The following ABLIM2 variants were observed in gnomAD, a reference collection of about 807,000 sequenced individuals.
ABLIM2 encodes actin-binding LIM protein 2.
A neutral mutation model predicts 97.7 loss-of-function variants in ABLIM2; 53 were observed. The ratio of observed to expected loss-of-function variants is 0.54; its 90% CI spans 0.44 to 0.68. The LOEUF (loss-of-function observed/expected upper bound fraction) is 0.68, where lower values mean the gene tolerates loss of function less well. ABLIM2 is among the 30% of genes least tolerant of loss of function. The probability of loss-of-function intolerance (pLI) is 0.00; values close to 1 mark genes in which losing one functional copy is unlikely to be tolerated. For missense variants in ABLIM2, 835 were observed against 867.2 expected (o/e 0.96, Z 0.47); for synonymous variants, 361 against 345.8 (o/e 1.04, Z -0.49).
At chr4:8,050,313 C>A (rs1250495219) in intron 8 of ABLIM2, among the ~76,000 whole-genome samples, 2 of 152,196 alleles carry the variant, frequency 1.3e-5, no homozygotes, top group African/African-American at 4.8e-5. Context: ...GAGCTCCCAT[C>A]CCCATGGTGC....
Position 8,083,450 on chromosome 4 carries a change from A to T in ABLIM2, c.455-2648T>A, listed in dbSNP as rs1333406234. On this transcript the variant is annotated intron_variant, in intron 4 of 20. Transcript: ENST00000447017. The surrounding 1 kb of genome is among the most constrained non-coding windows in gnomAD (Gnocchi z 4.6). Reference sequence around the variant, plus strand: ...TGATGCCTTTATGGGCATCTCCGCCACTCTGCCTCCTACCATATTGGCCGG... The same window carrying T: ...TGATGCCTTTATGGGCATCTCCGCCTCTCTGCCTCCTACCATATTGGCCGG... 2.0e-5 allele frequency among the ~76,000 whole-genome samples: 3 copies of T among 151,824 alleles called. No individual in the cohort carries two copies. Among genetic ancestry groups the T allele is most frequent in the African/African-American group, 7.2e-5 (3 of 41,382 alleles).
intron 6 of ABLIM2, among the ~76,000 whole-genome samples, chr4:8,063,844 C>T (rs188356038): frequency 2.1e-3 from 315 of 152,350 alleles, no homozygotes; most frequent in Non-Finnish European, 3.5e-3. Context: ...TTGCTGTGCC[C>T]CAACTTGTCT....
chr4:8,006,765 G>A (rs375734264), intron 16 of ABLIM2, among the ~76,000 whole-genome samples: 1 of 152,200 alleles, frequency 6.6e-6, no homozygotes, highest in African/African-American at 2.4e-5. Flanking sequence ...GCAGGCGCGC[G>A]TGGACCAGCC....
At chr4:8,042,776 T>A (rs1439541356) in intron 9 of ABLIM2, among the ~76,000 whole-genome samples, 1 of 148,004 alleles carries the variant, frequency 6.8e-6, no homozygotes, top group Non-Finnish European at 1.5e-5. Context: ...GGGGTGGAGG[T>A]TGCAGTGAGC....
chr4:8,010,196 G>A (rs1298368650), intron 14 of ABLIM2, among the ~76,000 whole-genome samples: 1 of 152,206 alleles, frequency 6.6e-6, no homozygotes, highest in Admixed American at 6.5e-5. Flanking sequence ...TTTTTCTGGG[G>A]GGTTGTCACC....
At chr4:7,993,005 C>T (rs1051711800) in intron 16 of ABLIM2, 78 bp from the exon 17 acceptor site, 17 of 1,512,718 alleles carry the variant, frequency 1.1e-5, no homozygotes, top group Non-Finnish European at 1.5e-5. Context: ...GGGGGGCTTC[C>T]CACCGGGGTG....
chr4:7,990,100 C>T (rs1277546630), intron 17 of ABLIM2, among the ~76,000 whole-genome samples: 2 of 152,170 alleles, frequency 1.3e-5, no homozygotes, highest in African/African-American at 4.8e-5. Flanking sequence ...AACTAATTTC[C>T]CCTCTTCCAT....
At chr4:8,051,751 C>T (rs74999619) in intron 8 of ABLIM2, among the ~76,000 whole-genome samples, 11,965 of 152,152 alleles carry the variant, frequency 0.079, 1,291 homozygotes, top group African/African-American at 0.25. Context: ...CTTGCCCTTG[C>T]CCCACATGTC....
chr4:7,990,475 C>T (rs1747801504), intron 17 of ABLIM2, among the ~76,000 whole-genome samples: 1 of 152,140 alleles, frequency 6.6e-6, no homozygotes. Flanking sequence ...TATGAGCAAC[C>T]ACGCCCCACC....
rs184571305 is a variant in ABLIM2, at chr4:8,120,704, T to C, written c.11-14067A>G. 1.9e-3 allele frequency among the ~76,000 whole-genome samples: 296 copies of C among 152,316 alleles called. No individual in the cohort carries two copies. The highest frequency in any genetic ancestry group is 6.2e-3 in the African/African-American group (256 of 41,558). ...AGCAGGAGCACTTCTCAGCTTACAG[T>C]GCAGGTCCGTCCTGATGAACCCGGG... On this transcript the variant is annotated intron_variant, in intron 1 of 20. Transcript: ENST00000447017. This position sits in a 1 kb window ranked among gnomAD's most constrained non-coding sequence, Gnocchi z 5.6.
At chr4:7,997,945 C>T (rs550091826) in intron 16 of ABLIM2, among the ~76,000 whole-genome samples, 29 of 151,796 alleles carry the variant, frequency 1.9e-4, no homozygotes, top group African/African-American at 6.8e-4. Context: ...GCAATGGCAC[C>T]ATCTCGGCTC....
rs1852163174 is a variant in ABLIM2 at position 8,148,346 on chromosome 4, T to C, written c.10+10334A>G. 6.6e-6 allele frequency among the ~76,000 whole-genome samples: 1 copy of C among 152,002 alleles called. No homozygotes were observed. Among genetic ancestry groups the C allele is most frequent in the Non-Finnish European group, 1.5e-5 (1 of 67,972 alleles). On this transcript the variant is annotated intron_variant, in intron 1 of 20. Transcript: ENST00000447017. This position sits in a 1 kb window ranked among gnomAD's most constrained non-coding sequence, Gnocchi z 6.7. ...TGTGGGCCTGCGGAGGCCTCCCCAC[T>C]GGATTCCAGAGGGGGCTCTGGGCCT...
At chr4:8,016,995 A>T (rs539924837) in intron 14 of ABLIM2, among the ~76,000 whole-genome samples, 84 of 152,278 alleles carry the variant, frequency 5.5e-4, no homozygotes, top group African/African-American at 1.9e-3. Context: ...ACATATTTGG[A>T]GATACTTCTC....
chr4:8,084,473 T>G (rs1344596236), intron 4 of ABLIM2, among the ~76,000 whole-genome samples: 1 of 152,136 alleles, frequency 6.6e-6, no homozygotes, highest in Non-Finnish European at 1.5e-5. Flanking sequence ...AGCACTACCC[T>G]TGCAGGAGCA....
chr4:7,995,435 G>T (rs185063654), intron 16 of ABLIM2, among the ~76,000 whole-genome samples: 1 of 152,232 alleles, frequency 6.6e-6, no homozygotes, highest in Non-Finnish European at 1.5e-5. Context: ...CAGGGGCAAG[G>T]CAGGTTCTGT....
At chr4:8,007,252 C>G (rs1295173455) in intron 16 of ABLIM2, 5 of 985,324 alleles carry the variant, frequency 5.1e-6, no homozygotes, top group Non-Finnish European at 6.0e-6. Flanking sequence ...CTCCTAACAC[C>G]TGGCGCCCAT....
At chr4:8,035,862 C>T (rs1784197771) in intron 10 of ABLIM2, among the ~76,000 whole-genome samples, 1 of 152,224 alleles carries the variant, frequency 6.6e-6, no homozygotes, top group Admixed American at 6.5e-5. Flanking sequence ...GAGTCACTAT[C>T]ATCTTTCCTA....
chr4:8,059,179 AACT>A (rs1801289182), intron 7 of ABLIM2, among the ~76,000 whole-genome samples: 1 of 152,050 alleles, frequency 6.6e-6, no homozygotes, highest in Admixed American at 6.6e-5. Context: ...GATGAAGCAT[AACT>A]CTAGGTGCCT....
intron 17 of ABLIM2, chr4:7,989,510 G>T: frequency 1.2e-6 from 1 of 807,438 alleles, no homozygotes; most frequent in Non-Finnish European, 1.5e-6. Flanking sequence ...ATTCCATTAT[G>T]CCTCCATAAT....
Sources: gnomAD v4.1 joint callset for allele counts (sites outside exome capture counted in the v4.1 genomes callset) on GRCh38, gnomAD v4.1.1 for gene constraint, Gnocchi (gnomAD v3.1) non-coding constraint, MANE v1.5 for transcripts, NCBI Gene and HGNC (gene_info 2026-07-23, HGNC 2026-07-21) for gene names.